CAST: variants seen among roughly 807,000 people sequenced by gnomAD.
The protein encoded by CAST is MIR583 host.
In CAST, 76 loss-of-function variants were observed where a neutral mutation model predicts 119.6. The ratio of observed to expected loss-of-function variants is 0.64; its 90% CI spans 0.53 to 0.77. CAST has a LOEUF of 0.77. Ranked by LOEUF, CAST falls within the 30% of genes least tolerant of loss-of-function variation. The pLI is 0.00. For synonymous variants in CAST, 319 were observed against 331.6 expected (o/e 0.96, Z 0.41); for missense variants, 953 against 946.5 (o/e 1.01, Z -0.09).
chr5:96,259,974 A>G, the CAST span, among the ~76,000 whole-genome samples: 3 of 150,972 alleles, frequency 2.0e-5, no homozygotes, highest in African/African-American at 7.3e-5. Flanking sequence ...GCTTTCTTCT[A>G]TTTAACAATT....
At chr5:96,328,379 C>CTG in the CAST span, among the ~76,000 whole-genome samples, 1 of 2,750 alleles carries the variant, frequency 3.6e-4, no homozygotes, top group East Asian at 3.1e-3. Context: ...TTCCTTCTCT[C>CTG]TCCCTCTCTC....
At chr5:96,742,320 A>G (rs2150523642) in intron 15 of CAST, 1 of 180,764 alleles carries the variant, frequency 5.5e-6, no homozygotes, top group East Asian at 1.4e-4. Context: ...ATAGTGTGGT[A>G]ACAGTTTACT....
the CAST span, among the ~76,000 whole-genome samples, chr5:96,115,689 G>C: frequency 6.6e-6 from 1 of 152,204 alleles, no homozygotes; most frequent in African/African-American, 2.4e-5. Context: ...TTAAGAAATG[G>C]TGTTCTGAAG....
chr5:96,744,051 A>G (rs1166041998), intron 16 of CAST, among the ~76,000 whole-genome samples: 2 of 152,328 alleles, frequency 1.3e-5, no homozygotes, highest in East Asian at 3.9e-4. Context: ...CTAAAAGCAG[A>G]TAAGCAGATG....
intron 1 of CAST, among the ~76,000 whole-genome samples, chr5:96,619,159 C>G (rs1201144384): frequency 6.6e-6 from 1 of 152,126 alleles, no homozygotes; most frequent in Non-Finnish European, 1.5e-5. Context: ...CACTCTGTGT[C>G]TAGCTCAGGG....
the CAST span, among the ~76,000 whole-genome samples, chr5:96,035,043 ATATATATATATATATATATATTTAAG>A: frequency 6.5e-5 from 6 of 92,178 alleles, no homozygotes; most frequent in East Asian, 9.0e-4. Flanking sequence ...GTATTTAAGT[ATATATATATATATATATATATTTAAG>A]TATATATATA....
the CAST span, among the ~76,000 whole-genome samples, chr5:96,363,269 G>A: frequency 6.7e-6 from 1 of 148,648 alleles, no homozygotes; most frequent in Non-Finnish European, 1.5e-5. Context: ...CAGGTAGTAT[G>A]GTGCCTCCAG....
chr5:96,469,597 C>G, the CAST span, among the ~76,000 whole-genome samples: 1 of 151,850 alleles, frequency 6.6e-6, no homozygotes, highest in African/African-American at 2.4e-5. Flanking sequence ...ATGAGAATTC[C>G]CCTTTTCTCT....
the CAST span, among the ~76,000 whole-genome samples, chr5:96,163,092 T>G: frequency 6.6e-6 from 1 of 152,190 alleles, no homozygotes; most frequent in Non-Finnish European, 1.5e-5. Context: ...TATTCAGATT[T>G]TCTGCTTCTT....
chr5:96,020,594 A>C, the CAST span, among the ~76,000 whole-genome samples: 1 of 152,114 alleles, frequency 6.6e-6, no homozygotes, highest in Non-Finnish European at 1.5e-5. Flanking sequence ...TTGCTCCTGC[A>C]ATCTAGGTTG....
the CAST span, chr5:96,429,123 C>T: frequency 2.0e-5 from 15 of 734,290 alleles, no homozygotes; most frequent in African/African-American, 1.6e-4. Context: ...AAAAAAACCA[C>T]ATTTGCAAAA....
At chr5:96,711,797 T>C (rs1756215159) in intron 3 of CAST, among the ~76,000 whole-genome samples, 1 of 152,248 alleles carries the variant, frequency 6.6e-6, no homozygotes, top group African/African-American at 2.4e-5. Context: ...TTTTGTTATA[T>C]GCAGTATCTT....
chr5:96,762,127 CTT>C (rs1768179255), intron 24 of CAST, 145 bp from the exon 25 acceptor site: 1 of 454,642 alleles, frequency 2.2e-6, no homozygotes, highest in Non-Finnish European at 4.0e-6. Flanking sequence ...ATTTAAATTT[CTT>C]TTAAAATTAT....
At chr5:96,120,631 AC>A in the CAST span, among the ~76,000 whole-genome samples, 46 of 148,982 alleles carry the variant, frequency 3.1e-4, 2 homozygotes, top group Admixed American at 1.6e-3. Context: ...TAGCCTCCTC[AC>A]TGATCAAAGC....
the CAST span, among the ~76,000 whole-genome samples, chr5:96,253,085 A>G: frequency 6.6e-6 from 1 of 152,178 alleles, no homozygotes; most frequent in East Asian, 1.9e-4. Context: ...AAAAATAACC[A>G]AAAGTAGAGA....
the CAST span, chr5:96,390,379 C>T: frequency 6.6e-6 from 1 of 152,128 alleles, no homozygotes. Context: ...TAGTGAGAAA[C>T]AATTTATTTT....
the CAST span, among the ~76,000 whole-genome samples, chr5:96,297,706 T>C: frequency 4.6e-5 from 7 of 152,232 alleles, no homozygotes; most frequent in Non-Finnish European, 1.5e-5. Context: ...CTGAAATAGC[T>C]ATCATTTTTT....
At chr5:96,744,240 C>T (rs144725006) in intron 16 of CAST, among the ~76,000 whole-genome samples, 2 of 152,246 alleles carry the variant, frequency 1.3e-5, no homozygotes, top group East Asian at 3.9e-4. Flanking sequence ...AGTCTGTTCT[C>T]ATGCTGCTAA....
intron 1 of CAST, among the ~76,000 whole-genome samples, chr5:96,603,556 AT>A (rs1253197642): frequency 1.3e-5 from 2 of 152,190 alleles, no homozygotes. Context: ...CCACGGAGTC[AT>A]CATCTCCTAT....
Sources: gnomAD v4.1 joint callset for allele counts (sites outside exome capture counted in the v4.1 genomes callset) on GRCh38, gnomAD v4.1.1 for gene constraint, MANE v1.5 for transcripts, NCBI Gene and HGNC (gene_info 2026-07-23, HGNC 2026-07-21) for gene names.